The following OARD1 variants were observed in gnomAD, a reference collection of about 807,000 sequenced individuals.
OARD1 encodes ADP-ribose glycohydrolase OARD1.
In OARD1, 19 loss-of-function variants were observed where a neutral mutation model predicts 19.7. The ratio of observed to expected loss-of-function variants is 0.96; its 90% CI spans 0.67 to 1.41. OARD1 has a LOEUF of 1.41. Ranked by LOEUF, OARD1 falls within the 40% of genes most tolerant of loss-of-function variation. The pLI is 0.00. For synonymous variants in OARD1, 70 were observed against 61.8 expected, an observed-to-expected ratio of 1.13 and a Z score of -0.62; for missense variants, 190 against 183.8, an observed-to-expected ratio of 1.03 and a Z score of -0.20.
At chr6:41,075,042 GTTTTA>G (rs1298563593), upstream of OARD1, among the ~76,000 whole-genome samples, 12 of 152,140 alleles carry the variant, frequency 7.9e-5, no homozygotes, top group Non-Finnish European at 1.8e-4. Flanking sequence ...TCGGGGACAG[GTTTTA>G]TTTTCACTTT....
chr6:41,092,858 T>G, intron 1 of OARD1: 1 of 1,541,710 alleles, frequency 6.5e-7, no homozygotes, highest in South Asian at 1.2e-5. Context: ...CAAGAAACTG[T>G]TTCTATGTCC....
chr6:41,072,329 C>CT lies in OARD1; in HGVS notation c.-136dup, dbSNP rs1197390016. 6.6e-6 allele frequency: 1 copy of CT among 152,454 alleles called. No individual in the cohort carries two copies. Among genetic ancestry groups the CT allele is most frequent in the African/African-American group, 2.4e-5 (1 of 41,478 alleles). The allele number at this position is 152,454 out of a possible 1,614,324, so 9.4% of individuals were successfully genotyped here. ...AAAGCCCCAACGTACCCAAGTCACC[C>CT]TTCACCTGGAAAGGAGTCGGTTGTT... On this transcript the variant is annotated 5_prime_UTR_variant, in exon 1 of 6. Transcript: ENST00000424266.
At chr6:41,092,778 C>A in intron 1 of OARD1, 2 of 763,928 alleles carry the variant, frequency 2.6e-6, no homozygotes, top group Non-Finnish European at 4.1e-6. Flanking sequence ...TCCAGGGATC[C>A]GCATTTACCC....
Position 41,070,108 on chromosome 6 carries a change from G to C in OARD1, c.211C>G (p.Leu71Val), listed in dbSNP as rs139472700. 3 of 1,592,934 alleles carry C rather than the reference G, an allele frequency of 1.9e-6. No individual in the cohort carries two copies. Among genetic ancestry groups the C allele is most frequent in the Admixed American group, 1.7e-5 (1 of 59,202 alleles). The change falls in exon 4 of 6, where the codon CTG becomes GTG. Residue 71 changes from leucine to valine, a missense_variant. Coordinates refer to ENST00000424266, the MANE Select transcript of OARD1 (RefSeq NM_001329686.2). ...QQKKSGEVAV[L>V]KRDGRYIYYL... is the part of the protein sequence containing the mutation. The stretch of plus-strand genomic sequence containing the variant: ...TATATATATCGCCCATCTCTCTTCA[G>C]AACAGCCACTTCTCCAGATTTCTTT...
chr6:41,075,852 TAA>T (rs927833036), upstream of OARD1, among the ~76,000 whole-genome samples: 10 of 152,182 alleles, frequency 6.6e-5, no homozygotes, highest in African/African-American at 2.4e-4. Context: ...TTACTAAACT[TAA>T]AGACTCTTTG....
chr6:41,096,250 A>G (rs911164004), intron 1 of OARD1, among the ~76,000 whole-genome samples: 5 of 152,210 alleles, frequency 3.3e-5, no homozygotes, highest in African/African-American at 1.2e-4. Flanking sequence ...GTCCCCACAC[A>G]TGAACACTAA....
chr6:41,088,500 TTCAAGGTCCTC>T (rs1186423755), intron 1 of OARD1, among the ~76,000 whole-genome samples: 1 of 152,174 alleles, frequency 6.6e-6, no homozygotes, highest in East Asian at 1.9e-4. Flanking sequence ...GTTGGATTCT[TTCAAGGTCCTC>T]TCAAGGCCCT....
chr6:41,070,727 T>G (rs1004878327), intron 3 of OARD1: 2 of 347,828 alleles, frequency 5.7e-6, no homozygotes, highest in African/African-American at 4.3e-5. Context: ...AGGATTCTAG[T>G]GCACATTTCT....
At chr6:41,084,968 A>C (rs1260358092) in intron 1 of OARD1, among the ~76,000 whole-genome samples, 1 of 152,248 alleles carries the variant, frequency 6.6e-6, no homozygotes, top group Non-Finnish European at 1.5e-5. Flanking sequence ...CTCAAAAAAA[A>C]AGAAGAGATT....
At chr6:41,068,539 A>G (rs1387446597) in intron 5 of OARD1, among the ~76,000 whole-genome samples, 1 of 152,270 alleles carries the variant, frequency 6.6e-6, no homozygotes, top group Non-Finnish European at 1.5e-5. Context: ...CCAAGCTTCA[A>G]GCAGAGGGTG....
At chr6:41,094,491 T>A (rs200657227) in intron 1 of OARD1, 2 of 1,612,674 alleles carry the variant, frequency 1.2e-6, no homozygotes, top group South Asian at 2.2e-5. Context: ...ATAGTCCCCA[T>A]ATGCAGGTAG....
chr6:41,070,194 G>C, intron 3 of OARD1, 60 bp from the exon 4 acceptor site: 2 of 919,378 alleles, frequency 2.2e-6, no homozygotes, highest in African/African-American at 1.7e-5. Flanking sequence ...GATCTCTAAA[G>C]ATTTTAAAAT....
chr6:41,097,256 G>GTA, intron 1 of OARD1: 1 of 1,065,756 alleles, frequency 9.4e-7, no homozygotes, highest in African/African-American at 1.6e-5. Flanking sequence ...GATTTACTTG[G>GTA]TAAAGTTATG....
At chr6:41,074,869 T>G (rs1763691155), upstream of OARD1, among the ~76,000 whole-genome samples, 1 of 152,210 alleles carries the variant, frequency 6.6e-6, no homozygotes, top group South Asian at 2.1e-4. Flanking sequence ...AGACTTGTCC[T>G]AGGACTCTGA....
At chr6:41,072,119 G>A (rs1044691134) in intron 1 of OARD1, 117 bp downstream of exon 1, 4 of 155,110 alleles carry the variant, frequency 2.6e-5, no homozygotes, top group African/African-American at 9.6e-5. Context: ...GGCGTGCTGA[G>A]CCCCAGGCGT....
chr6:41,079,225 T>C, intron 1 of OARD1: 1 of 1,493,204 alleles, frequency 6.7e-7, no homozygotes, highest in Non-Finnish European at 9.3e-7. Context: ...CACCACTCAA[T>C]TGGTTGGTCT....
At position 41,066,997 on chromosome 6, in the gene OARD1, G is replaced by A. The variant is rs1384317530; in HGVS notation, c.*338C>T. 6.1e-6 allele frequency: 1 copy of A among 162,862 alleles called. No individual in the cohort carries two copies. Among genetic ancestry groups the A allele is most frequent in the African/African-American group, 2.4e-5 (1 of 41,892 alleles). 10.1% of individuals were successfully genotyped at this position (162,862 alleles called of 1,614,324 possible). A position where few individuals can be genotyped will look rare whatever the true frequency, so the allele number is the denominator to read the frequency against. On this transcript the variant is annotated 3_prime_UTR_variant, in exon 6 of 6. Transcript: ENST00000424266. Reference sequence around the variant, plus strand: ...TTCCTGAAATTTCTCTTAAAAAGCAGAGAAGTAGAACCAATGCTGCCACCT... The same window carrying A: ...TTCCTGAAATTTCTCTTAAAAAGCAAAGAAGTAGAACCAATGCTGCCACCT...
intron 1 of OARD1, among the ~76,000 whole-genome samples, chr6:41,083,104 A>G (rs373490710): frequency 4.4e-4 from 67 of 152,326 alleles, no homozygotes; most frequent in African/African-American, 1.4e-3. Flanking sequence ...GAGTCTGAAA[A>G]TGAAAATTTT....
In OARD1 at chr6:41,067,325, G is replaced by A; in HGVS notation, c.*10C>T. On this transcript the variant is annotated 3_prime_UTR_variant, in exon 6 of 6. Transcript: ENST00000424266. ...AGGAGAACACGGAAACATCCAAAAT[G>A]TTCACTGGTTCAGAGTGTGTACACA... 6.4e-7 allele frequency: 1 copy of A among 1,565,224 alleles called. No individual in the cohort carries two copies. Among genetic ancestry groups the A allele is most frequent in the Non-Finnish European group, 8.8e-7 (1 of 1,136,568 alleles).
Sources: gnomAD v4.1 joint callset for allele counts (sites outside exome capture counted in the v4.1 genomes callset) on GRCh38, gnomAD v4.1.1 for gene constraint, MANE v1.5 for transcripts, NCBI Gene and HGNC (gene_info 2026-07-23, HGNC 2026-07-21) for gene names.